Variants in POLR3K observed in about 807,000 individuals in gnomAD.
POLR3K encodes DNA-directed RNA polymerase III subunit RPC10.
In POLR3K, 11 loss-of-function variants were observed where a neutral mutation model predicts 13.5. The ratio of observed to expected loss-of-function variants is 0.81; its 90% CI spans 0.51 to 1.35. The LOEUF is 1.35. POLR3K is among the 40% of genes most tolerant of loss of function. POLR3K has a pLI of 0.00. For missense variants in POLR3K, 144 were observed against 145.3 expected (o/e 0.99, Z 0.05); for synonymous variants, 56 against 51.5 (o/e 1.09, Z -0.38).
chr16:50,838 A>G (rs534578509), intron 2 of POLR3K, among the ~76,000 whole-genome samples: 166 of 152,308 alleles, frequency 1.1e-3, no homozygotes, highest in Non-Finnish European at 2.1e-3. Flanking sequence ...AAAGAGGTCT[A>G]ATTTACTCAC....
chr16:50,922 A>G (rs998339074), intron 2 of POLR3K, among the ~76,000 whole-genome samples: 18 of 152,224 alleles, frequency 1.2e-4, no homozygotes, highest in African/African-American at 4.3e-4. Context: ...GAGCAGCAGG[A>G]GACAGAATGA....
Position 47,503 on chromosome 16 carries a change from C to A in POLR3K, c.254G>T (p.Arg85Leu). The A allele has an allele frequency of 6.2e-7, 1 of 1,612,894 alleles. No homozygotes were observed. The highest frequency in any genetic ancestry group is 1.1e-5 in the South Asian group (1 of 91,056). The change falls in exon 3 of 3, where the codon CGC becomes CTC. Residue 85 changes from arginine to leucine, a missense_variant. Coordinates refer to ENST00000293860, the MANE Select transcript of POLR3K (RefSeq NM_016310.5). ...PRAYFMQLQT[R>L]SADEPMTTFY... ...GGTGGTCATCGGCTCATCTGCAGAG[C>A]GGGTCTGAAGCTGCATGAAGTAAGC... is the stretch of plus-strand genomic sequence containing the variant.
At chr16:47,588 T>C (rs757444706) in intron 2 of POLR3K, 31 bp from the exon 3 acceptor site, 6 of 1,604,806 alleles carry the variant, frequency 3.7e-6, no homozygotes, top group Admixed American at 3.4e-5. Flanking sequence ...GTGACCACAT[T>C]TAAAAAAAGA....
At chr16:50,885 A>C (rs1235154779) in intron 2 of POLR3K, among the ~76,000 whole-genome samples, 2 of 152,204 alleles carry the variant, frequency 1.3e-5, no homozygotes, top group African/African-American at 4.8e-5. Flanking sequence ...GGAAACCTAC[A>C]ATCATGGCGA....
In POLR3K at chr16:47,291, C is replaced by A. The variant is rs1897292029; in HGVS notation, c.*139G>T. ...GCAGATAGGCCATATTTCCTGACCCCCTGGCTCTTCACCTCAAAAGGTTTA... is the reference window on the plus strand; with the variant it reads ...GCAGATAGGCCATATTTCCTGACCCACTGGCTCTTCACCTCAAAAGGTTTA... On this transcript the variant is annotated 3_prime_UTR_variant, in exon 3 of 3. Transcript: ENST00000293860. 2.6e-6 allele frequency: 3 copies of A among 1,155,774 alleles called. No homozygotes were observed. In the Admixed American group the frequency reaches 8.1e-5, roughly 31 times the overall value. 71.6% of individuals were successfully genotyped at this position (1,155,774 alleles called of 1,614,324 possible). A position where few individuals can be genotyped will look rare whatever the true frequency, so the allele number is the denominator to read the frequency against.
chr16:50,082 C>T (rs1015606233), intron 2 of POLR3K, among the ~76,000 whole-genome samples: 3 of 152,148 alleles, frequency 2.0e-5, no homozygotes, highest in African/African-American at 7.2e-5. Context: ...TCTCAGCCTC[C>T]CGAGTAGCTG....
At chr16:50,946 A>C (rs1897325812) in intron 2 of POLR3K, among the ~76,000 whole-genome samples, 1 of 152,228 alleles carries the variant, frequency 6.6e-6, no homozygotes, top group East Asian at 1.9e-4. Flanking sequence ...CGAGCAGGGG[A>C]AACGCAAACG....
rs553859516 is a variant in POLR3K, at chr16:52,672, A to G, written c.111+804T>C. Among the ~76,000 whole-genome samples the G allele has an allele frequency of 7.0e-4, 103 of 147,718 alleles. 1 individual carries two copies. The highest frequency in any genetic ancestry group is 2.5e-3 in the African/African-American group (101 of 40,172). On this transcript the variant is annotated intron_variant, in intron 1 of 2. Coordinates refer to ENST00000293860, the MANE Select transcript of POLR3K (RefSeq NM_016310.5). ...TCCCAGCTAATTGGGAGGCTGAGGC[A>G]GGAGAGTGGCGTGAACCCGGGAGGC...
At chr16:50,024 T>A (rs74539621) in intron 2 of POLR3K, among the ~76,000 whole-genome samples, 22,574 of 151,774 alleles carry the variant, frequency 0.15, 2,168 homozygotes, top group East Asian at 0.37. Flanking sequence ...AATGATGCAA[T>A]CTTGGCTCAC....
intron 1 of POLR3K, 68 bp from the exon 2 acceptor site, chr16:51,713 T>C: frequency 7.5e-7 from 1 of 1,337,182 alleles, no homozygotes; most frequent in Non-Finnish European, 1.1e-6. Context: ...AAACCTTAAA[T>C]TTCAGGATTA....
At chr16:48,369 C>A (rs1485987595) in intron 2 of POLR3K, among the ~76,000 whole-genome samples, 14 of 152,150 alleles carry the variant, frequency 9.2e-5, no homozygotes, top group Admixed American at 9.2e-4. Context: ...CTTCTCAAAT[C>A]CAGCTGAAGG....
Position 52,446 on chromosome 16 carries a change from CAAAAAAAAAAAAAAAAAAAAAAAAA to C in POLR3K, c.112-826_112-802del, listed in dbSNP as rs767411954. On this transcript the variant is annotated intron_variant, in intron 1 of 2. Coordinates refer to ENST00000293860, the MANE Select transcript of POLR3K (RefSeq NM_016310.5). ...TGGGAAACAGAGCGAGACTCTGTCT[CAAAAAAAAAAAAAAAAAAAAAAAAA>C]AAAAAAAAAAAAAAAAGGTCGGGCG... 1.9e-3 allele frequency among the ~76,000 whole-genome samples: 143 copies of C among 74,192 alleles called. 7 individuals carry two copies. Among genetic ancestry groups the C allele is most frequent in the Admixed American group, 5.5e-3 (35 of 6,378 alleles). 48.7% of individuals were successfully genotyped at this position (74,192 alleles called of 152,430 possible).
chr16:53,437 G>T (rs1367683046), intron 1 of POLR3K, 39 bp downstream of exon 1: 1 of 1,481,076 alleles, frequency 6.8e-7, no homozygotes, highest in African/African-American at 2.2e-5. Flanking sequence ...GAAGGCCTGC[G>T]AGAGTCGCCC....
intron 1 of POLR3K, 45 bp downstream of exon 1, chr16:53,431 G>T: frequency 6.5e-7 from 1 of 1,536,254 alleles, no homozygotes; most frequent in Non-Finnish European, 8.7e-7. Context: ...GACGCGGAAG[G>T]CCTGCGAGAG....
chr16:47,648 A>G (rs995091604), intron 2 of POLR3K, 91 bp from the exon 3 acceptor site: 87 of 1,371,878 alleles, frequency 6.3e-5, no homozygotes, highest in African/African-American at 1.6e-4. Context: ...GTGGGAGGCC[A>G]AGGCGGGCGG....
chr16:47,688 C>A (rs1897296423), intron 2 of POLR3K, 131 bp from the exon 3 acceptor site: 1 of 865,458 alleles, frequency 1.2e-6, no homozygotes, highest in Admixed American at 2.9e-5. Context: ...TCGAGACCAT[C>A]CTGGCCAACA....
chr16:53,418 G>C, intron 1 of POLR3K, 58 bp downstream of exon 1: 11 of 1,539,662 alleles, frequency 7.1e-6, no homozygotes, highest in Non-Finnish European at 9.6e-6. Context: ...GCAGCAGTCG[G>C]AGGACGCGGA....
chr16:48,928 T>G (rs1004020760), intron 2 of POLR3K, among the ~76,000 whole-genome samples: 3 of 145,130 alleles, frequency 2.1e-5, no homozygotes, highest in African/African-American at 7.8e-5. Context: ...CTGAGGCAGG[T>G]GGATCACGAG....
At chr16:48,038 C>T (rs968823217) in intron 2 of POLR3K, among the ~76,000 whole-genome samples, 6 of 150,058 alleles carry the variant, frequency 4.0e-5, no homozygotes, top group Non-Finnish European at 7.4e-5. Flanking sequence ...TACAGTTGCC[C>T]GCCACCACAC....
Sources: gnomAD v4.1 joint callset for allele counts (sites outside exome capture counted in the v4.1 genomes callset) on GRCh38, gnomAD v4.1.1 for gene constraint, MANE v1.5 for transcripts, NCBI Gene and HGNC (gene_info 2026-07-23, HGNC 2026-07-21) for gene names.